QKI: variants seen among roughly 807,000 people sequenced by gnomAD.
QKI encodes QKI, KH domain containing RNA binding.
QKI carries 10 observed loss-of-function variants against 39.0 expected under a neutral mutation model. That is an observed-to-expected ratio of 0.26 (90% CI 0.16 to 0.43). The LOEUF (loss-of-function observed/expected upper bound fraction) is 0.43. Among genes scored for constraint, QKI ranks in the 20% least tolerant of loss-of-function variants. The pLI is 1.00. For missense variants in QKI, 218 were observed against 428.0 expected, an observed-to-expected ratio of 0.51 and a Z score of 4.33; for synonymous variants, 204 against 155.4, an observed-to-expected ratio of 1.31 and a Z score of -2.33.
intron 3 of QKI, among the ~76,000 whole-genome samples, chr6:163,485,048 AC>A (rs1053880312): frequency 6.6e-6 from 1 of 152,216 alleles, no homozygotes; most frequent in Non-Finnish European, 1.5e-5. Flanking sequence ...GGAAACAAAG[AC>A]CAAATATATT....
rs970544407 is a variant in QKI, at chr6:163,479,810, G to A, written c.402+914G>A. ...GTAATGTGTGTAAAAGTATATAAAA[G>A]TTTTGAAAAATCTGAAATTTTTCTT... On this transcript the variant is annotated intron_variant, in intron 3 of 7. Coordinates refer to ENST00000361752, the MANE Select transcript of QKI (RefSeq NM_006775.3). Among the ~76,000 whole-genome samples, 3 of 152,204 alleles carry A rather than the reference G, an allele frequency of 2.0e-5. No individual in the cohort carries two copies. The East Asian group carries it at 5.8e-4, about 29-fold the overall frequency.
chr6:163,424,947 T>C (rs1788297321), intron 1 of QKI, among the ~76,000 whole-genome samples: 1 of 152,204 alleles, frequency 6.6e-6, no homozygotes, highest in African/African-American at 2.4e-5. Flanking sequence ...ATCTGCTTTC[T>C]ATCAACATTT....
At position 163,454,121 on chromosome 6, in the gene QKI, A is replaced by G. The variant is rs138646336; in HGVS notation, c.143-1158A>G. ...TGCAAGCCTTTCTCCCAAGGAGGACACAGTCTGTAGGATAGAGAGACATTA... is the reference window on the plus strand; with the variant it reads ...TGCAAGCCTTTCTCCCAAGGAGGACGCAGTCTGTAGGATAGAGAGACATTA... On this transcript the variant is annotated intron_variant, in intron 1 of 7. Transcript: ENST00000361752. 7.9e-3 allele frequency among the ~76,000 whole-genome samples: 1,201 copies of G among 152,256 alleles called. 29 individuals carry two copies. The highest frequency in any genetic ancestry group is 0.027 in the African/African-American group (1,140 of 41,554).
intron 2 of QKI, among the ~76,000 whole-genome samples, chr6:163,463,593 G>A (rs1045445435): frequency 6.6e-6 from 1 of 152,194 alleles, no homozygotes; most frequent in Non-Finnish European, 1.5e-5. Flanking sequence ...AAATTACGGT[G>A]TATCATTCTT....
intron 2 of QKI, among the ~76,000 whole-genome samples, chr6:163,477,581 A>G (rs973134118): frequency 7.9e-5 from 12 of 152,212 alleles, no homozygotes; most frequent in African/African-American, 2.7e-4. Flanking sequence ...CTGAATATAA[A>G]GAGCTATTAG....
At chr6:163,442,499 C>T (rs908451220) in intron 1 of QKI, among the ~76,000 whole-genome samples, 1 of 152,018 alleles carries the variant, frequency 6.6e-6, no homozygotes. Flanking sequence ...ATAGACTGAC[C>T]AAGGTAGTGG....
chr6:163,556,808 A>G (rs952370065), intron 4 of QKI, among the ~76,000 whole-genome samples: 6 of 152,170 alleles, frequency 3.9e-5, no homozygotes, highest in African/African-American at 1.2e-4. Flanking sequence ...TTCTCAAGGC[A>G]CTTCCCCGAT....
chr6:163,530,880 A>T (rs564603045), intron 3 of QKI, among the ~76,000 whole-genome samples: 130 of 152,250 alleles, frequency 8.5e-4, no homozygotes, highest in Admixed American at 2.5e-3. Flanking sequence ...GGAACCTCAG[A>T]TCCCTCAGTT....
chr6:163,475,567 G>A (rs543090141), intron 2 of QKI, among the ~76,000 whole-genome samples: 50 of 152,288 alleles, frequency 3.3e-4, no homozygotes, highest in African/African-American at 1.1e-3. Flanking sequence ...GATACCAAGG[G>A]ACGATTGTGT....
intron 3 of QKI, among the ~76,000 whole-genome samples, chr6:163,531,828 G>A (rs1334894966): frequency 6.6e-6 from 1 of 152,178 alleles, no homozygotes; most frequent in Admixed American, 6.5e-5. Flanking sequence ...TTTAAACTCT[G>A]CAGTGTTGTA....
intron 4 of QKI, among the ~76,000 whole-genome samples, chr6:163,555,958 A>G (rs1244656120): frequency 1.3e-5 from 2 of 152,184 alleles, no homozygotes; most frequent in Non-Finnish European, 2.9e-5. Context: ...GAGAAGGTAT[A>G]ATGTAATGGT....
chr6:163,423,294 A>G (rs1788149634), intron 1 of QKI: 1 of 152,266 alleles, frequency 6.6e-6, no homozygotes, highest in Non-Finnish European at 1.5e-5. Flanking sequence ...TCTCAAAAAC[A>G]AATAAAATTT....
chr6:163,566,540 A>T, intron 6 of QKI, 181 bp from the exon 7 acceptor site: 1 of 1,443,386 alleles, frequency 6.9e-7, no homozygotes, highest in South Asian at 1.4e-5. Flanking sequence ...ATGCAATATT[A>T]ATAGATGCAT....
At chr6:163,429,084 C>T (rs1273461005) in intron 1 of QKI, 1 of 152,114 alleles carries the variant, frequency 6.6e-6, no homozygotes, top group Non-Finnish European at 1.5e-5. Context: ...AGCACATTGT[C>T]TTTGAACCTT....
chr6:163,416,761 A>G (rs1227694399), intron 1 of QKI, among the ~76,000 whole-genome samples: 1 of 152,212 alleles, frequency 6.6e-6, no homozygotes, highest in Non-Finnish European at 1.5e-5. Context: ...GCACTCACCA[A>G]CGTTGAAATG....
intron 1 of QKI, 77 bp from the exon 2 acceptor site, chr6:163,455,202 C>T: frequency 4.9e-6 from 6 of 1,217,858 alleles, no homozygotes; most frequent in Non-Finnish European, 4.5e-6. Context: ...AAACCCTCCC[C>T]TGCCCTCTCT....
At chr6:163,515,837 A>C (rs13194514) in intron 3 of QKI, among the ~76,000 whole-genome samples, 398 of 152,318 alleles carry the variant, frequency 2.6e-3, no homozygotes, top group Non-Finnish European at 3.1e-3. Flanking sequence ...TCTATTTAAG[A>C]TACAAAATAA....
intron 7 of QKI, chr6:163,570,492 T>G: frequency 1.0e-6 from 1 of 981,208 alleles, no homozygotes; most frequent in South Asian, 4.8e-5. Flanking sequence ...TTTGTTCAAA[T>G]CATGATACGA....
chr6:163,439,656 CT>C (rs375640583), intron 1 of QKI, among the ~76,000 whole-genome samples: 315 of 124,192 alleles, frequency 2.5e-3, no homozygotes, highest in Middle Eastern at 5.2e-3. Context: ...GTCCTGAATC[CT>C]TTTTTTTTTT....
Sources: gnomAD v4.1 joint callset for allele counts (sites outside exome capture counted in the v4.1 genomes callset) on GRCh38, gnomAD v4.1.1 for gene constraint, MANE v1.5 for transcripts, NCBI Gene and HGNC (gene_info 2026-07-23, HGNC 2026-07-21) for gene names.